Variants in GOLGA3 observed in about 807,000 individuals in gnomAD.
The protein encoded by GOLGA3 is golgin subfamily A member 3.
In GOLGA3, 75 loss-of-function variants were observed where a neutral mutation model predicts 169.4. That is an observed-to-expected ratio of 0.44 (90% confidence interval 0.37 to 0.54). The LOEUF is 0.54. GOLGA3 is among the 20% of genes least tolerant of loss of function. The pLI is 0.00. For missense variants in GOLGA3, 1,899 were observed against 1,930.0 expected, an observed-to-expected ratio of 0.98 and a Z score of 0.30; for synonymous variants, 824 against 822.4, an observed-to-expected ratio of 1.00 and a Z score of -0.03.
Position 132,772,704 on chromosome 12 carries a change from G to C in GOLGA3, c.*401C>G. On this transcript the variant is annotated 3_prime_UTR_variant, in exon 24 of 24. Coordinates refer to ENST00000450791, the MANE Select transcript of GOLGA3 (RefSeq NM_001389683.1). ...AGTAAAGCTCTTACTGAATGGAACA[G>C]GGAAGTGAGAAACTGCAGCCGGCCT... 5.8e-6 allele frequency: 1 copy of C among 173,366 alleles called. No individual in the cohort carries two copies. Among genetic ancestry groups the C allele is most frequent in the Non-Finnish European group, 1.2e-5 (1 of 81,698 alleles). The allele number at this position is 173,366 out of a possible 1,614,324, so 10.7% of individuals were successfully genotyped here. A position where few individuals can be genotyped will look rare whatever the true frequency, so the allele number is the denominator to read the frequency against.
intron 7 of GOLGA3, among the ~76,000 whole-genome samples, chr12:132,802,977 C>T (rs1949205190): frequency 6.6e-6 from 1 of 152,162 alleles, no homozygotes; most frequent in Non-Finnish European, 1.5e-5. Flanking sequence ...ATCGCTTGAA[C>T]CTGGGAGGCA....
chr12:132,789,336 GGGGGGCGTACCT>G (rs766892834), intron 12 of GOLGA3, 46 bp from the exon 13 acceptor site: 1 of 1,499,968 alleles, frequency 6.7e-7, no homozygotes, highest in Admixed American at 2.1e-5. Flanking sequence ...GGCGGGGCGT[GGGGGGCGTACCT>G]GGGGGTCAAG....
intron 4 of GOLGA3, among the ~76,000 whole-genome samples, chr12:132,808,875 G>A (rs1366930529): frequency 2.0e-5 from 3 of 152,224 alleles, no homozygotes; most frequent in African/African-American, 7.2e-5. Context: ...CACAGGGTCA[G>A]TGGGTCTCCC....
intron 7 of GOLGA3, among the ~76,000 whole-genome samples, chr12:132,803,944 C>T (rs1365712110): frequency 1.3e-5 from 2 of 152,236 alleles, no homozygotes; most frequent in Non-Finnish European, 2.9e-5. Context: ...TTCGCCCTCT[C>T]CTTCCCACTC....
rs964884308 is a variant in GOLGA3 at position 132,777,887 on chromosome 12, A to G, written c.3583-82T>C. 2.1e-6 allele frequency: 3 copies of G among 1,449,606 alleles called. No individual in the cohort carries two copies. Among genetic ancestry groups the G allele is most frequent in the East Asian group, 2.3e-5 (1 of 42,872 alleles). The allele number at this position is 1,449,606 out of a possible 1,614,324, so 89.8% of individuals were successfully genotyped here. A position where few individuals can be genotyped will look rare whatever the true frequency, so the allele number is the denominator to read the frequency against. ...CGTGCCGGGCGCAGGGGGTGAATGC[A>G]CTCCCGGCCCCGTGCATGTCCTGGC... On this transcript the variant is annotated intron_variant, in intron 18 of 23. Coordinates refer to ENST00000450791, the MANE Select transcript of GOLGA3 (RefSeq NM_001389683.1). The surrounding 1 kb of genome is among the most constrained non-coding windows in gnomAD (Gnocchi z 4.7).
At position 132,773,721 on chromosome 12, in the gene GOLGA3, C is replaced by T. The variant is rs547230126; in HGVS notation, c.4308-427G>A. On this transcript the variant is annotated intron_variant, in intron 23 of 23. Coordinates refer to ENST00000450791, the MANE Select transcript of GOLGA3 (RefSeq NM_001389683.1). The stretch of plus-strand genomic sequence containing the variant: ...TTCACAGGCTGTGTGTGCGAGTTCC[C>T]CCACCTTTATATAAACCTCAGAGGC... 9.9e-5 allele frequency among the ~76,000 whole-genome samples: 15 copies of T among 151,994 alleles called. No homozygotes were observed. In the South Asian group the frequency reaches 2.9e-3, roughly 30 times the overall value.
intron 4 of GOLGA3, 77 bp from the exon 5 acceptor site, chr12:132,808,626 T>C (rs1366880910): frequency 2.6e-6 from 3 of 1,167,254 alleles, no homozygotes; most frequent in Admixed American, 4.2e-5. Context: ...TTCAGAAAGG[T>C]GGCACCGATC....
chr12:132,827,126 T>C (rs1288310202), intron 1 of GOLGA3, among the ~76,000 whole-genome samples: 1 of 151,692 alleles, frequency 6.6e-6, no homozygotes, highest in South Asian at 2.1e-4. Context: ...GAATTCTGTA[T>C]ACAAACATTC....
chr12:132,798,348 C>T lies in GOLGA3; in HGVS notation c.1930G>A (p.Gly644Ser), dbSNP rs150587640. The T allele has an allele frequency of 2.5e-6, 4 of 1,610,352 alleles. No individual in the cohort carries two copies. The African/African-American group carries it at 4.0e-5, about 16-fold the overall frequency. The change falls in exon 9 of 24, where the codon GGC (glycine) becomes AGC (serine). Residue 644 changes from glycine (G) to serine (S), a missense_variant. Transcript: ENST00000450791. The part of the protein sequence containing the change: ...EKGRIAAQLQ[G>S]IEADMLDQEA... ...CCCGGCCGCAGCCTCACCTCAATGC[C>T]CTGCAGCTGTGCCGCGATGCGCCCC...
chr12:132,781,134 C>T (rs2045581109), intron 17 of GOLGA3, among the ~76,000 whole-genome samples: 1 of 152,198 alleles, frequency 6.6e-6, no homozygotes, highest in Non-Finnish European at 1.5e-5. Context: ...GTGGGCCCCA[C>T]GGCTCCAGAG....
rs1396729144 is a variant in GOLGA3 at position 132,816,527 on chromosome 12, A to T, written c.406+13T>A. 2 of 1,608,060 alleles carry T rather than the reference A, an allele frequency of 1.2e-6. No homozygotes were observed. The highest frequency in any genetic ancestry group is 1.7e-6 in the Non-Finnish European group (2 of 1,175,424). On this transcript the variant is annotated intron_variant, in intron 3 of 23. Transcript: ENST00000450791. ...ACGTGGAGGGTGGGAAAAGCGGGGT[A>T]ACGGATGCTTACACAGTTGCGTTTC... is the stretch of plus-strand genomic sequence containing the variant.
At position 132,782,440 on chromosome 12, in the gene GOLGA3, G is replaced by C. The variant is rs763018526; in HGVS notation, c.3321C>G (p.Asn1107Lys). Reference protein sequence around the residue: ...RKKIKRLEESNKKLALELEHE... With the variant: ...RKKIKRLEESKKKLALELEHE... ...GCTCTAATTCAAGAGCCAACTTCTT[G>C]TTTGACTCCTCAAGGCGTTTTATCT... The change falls in exon 17 of 24, where the codon AAC becomes AAG. Residue 1107 changes from asparagine to lysine, a missense_variant. By Grantham distance (94) the Asn-to-Lys change is moderately conservative (BLOSUM62 0). Coordinates refer to ENST00000450791, the MANE Select transcript of GOLGA3 (RefSeq NM_001389683.1). 1 of 1,613,974 alleles carries C rather than the reference G, an allele frequency of 6.2e-7. No homozygotes were observed. The highest frequency in any genetic ancestry group is 8.5e-7 in the Non-Finnish European group (1 of 1,179,918).
intron 13 of GOLGA3, among the ~76,000 whole-genome samples, chr12:132,788,273 C>G (rs923343833): frequency 2.4e-4 from 36 of 152,236 alleles, no homozygotes; most frequent in African/African-American, 8.2e-4. Flanking sequence ...CTGCTGGGAC[C>G]TTGGCTCGGT....
At chr12:132,798,628 T>C (rs1462712650) in intron 8 of GOLGA3, 151 bp from the exon 9 acceptor site, 4 of 290,952 alleles carry the variant, frequency 1.4e-5, no homozygotes, top group Non-Finnish European at 2.6e-5. Flanking sequence ...CGTCTTCCCA[T>C]CTCAAAATAT....
In GOLGA3 at chr12:132,769,870, C is replaced by G. The variant is rs2044821637; in HGVS notation, c.*3235G>C. 6.6e-6 allele frequency: 1 copy of G among 152,192 alleles called. No individual in the cohort carries two copies. The highest frequency in any genetic ancestry group is 2.4e-5 in the African/African-American group (1 of 41,448). 9.4% of individuals were successfully genotyped at this position (152,192 alleles called of 1,614,324 possible). ...TCAAACTTTATGCACTGAAGTAACTCTGGAAGGTAGAAGTGCCGGGAGAGT... is the reference window on the plus strand; with the variant it reads ...TCAAACTTTATGCACTGAAGTAACTGTGGAAGGTAGAAGTGCCGGGAGAGT... On this transcript the variant is annotated 3_prime_UTR_variant, in exon 24 of 24. Coordinates refer to ENST00000450791, the MANE Select transcript of GOLGA3 (RefSeq NM_001389683.1).
Position 132,789,165 on chromosome 12 carries a change from G to T in GOLGA3, c.2673C>A (p.His891Gln). ...KELRQELMQV[H>Q]GEKRTAEAEL... ...CCGCCTCGGCAGTCCGCTTCTCCCC[G>T]TGCACTTGCATCAGCTCCTGCCGCA... Residue 891 changes from histidine (H) to glutamine (Q), a missense_variant, in exon 13 of 24, where the codon CAC (histidine) becomes CAA (glutamine). Transcript: ENST00000450791. The T allele has an allele frequency of 6.2e-7, 1 of 1,612,182 alleles. No homozygotes were observed. The highest frequency in any genetic ancestry group is 1.3e-5 in the African/African-American group (1 of 75,056).
chr12:132,797,690 C>T (rs1454009063), intron 9 of GOLGA3, among the ~76,000 whole-genome samples: 2 of 151,262 alleles, frequency 1.3e-5, no homozygotes, highest in African/African-American at 4.9e-5. Context: ...CCACCCTGGG[C>T]GACAAGAGCA....
At chr12:132,826,274 G>A in intron 1 of GOLGA3, 1 of 1,101,978 alleles carries the variant, frequency 9.1e-7, no homozygotes, top group South Asian at 1.7e-5. Flanking sequence ...TGGAAGAGCA[G>A]CATCACGGCC....
rs539865072 is a variant in GOLGA3, at chr12:132,783,101, C to T, written c.3268-608G>A. The stretch of plus-strand genomic sequence containing the variant: ...GTTCCAGCTACTCAGGAGAATGAGG[C>T]GGGAAAATCACTTGAACCTGGGAAG... On this transcript the variant is annotated intron_variant, in intron 16 of 23. Coordinates refer to ENST00000450791, the MANE Select transcript of GOLGA3 (RefSeq NM_001389683.1). Among the ~76,000 whole-genome samples the T allele has an allele frequency of 8.6e-4, 131 of 152,054 alleles. 1 individual carries two copies. Among genetic ancestry groups the T allele is most frequent in the African/African-American group, 2.9e-3 (120 of 41,480 alleles).
Sources: allele counts gnomAD v4.1 joint callset (sites outside exome capture counted in the v4.1 genomes callset), GRCh38; gene constraint gnomAD v4.1.1; non-coding constraint Gnocchi (gnomAD v3.1); transcripts MANE v1.5; gene names NCBI Gene and HGNC (gene_info 2026-07-23, HGNC 2026-07-21).